Variants in CHRM3 observed in about 807,000 individuals in gnomAD.
CHRM3 encodes the protein cholinergic receptor muscarinic 3.
A neutral mutation model predicts 41.8 loss-of-function variants in CHRM3; 11 were observed. The observed-to-expected ratio is 0.26, with a 90% CI of 0.17 to 0.44. The LOEUF (loss-of-function observed/expected upper bound fraction) is 0.44. Ranked by LOEUF, CHRM3 falls within the 20% of genes least tolerant of loss-of-function variation. The pLI, the probability that CHRM3 is intolerant of heterozygous loss-of-function variation, is 1.00. For missense variants in CHRM3, 571 were observed against 745.4 expected, an observed-to-expected ratio of 0.77 and a Z score of 2.72; for synonymous variants, 297 against 301.4, an observed-to-expected ratio of 0.99 and a Z score of 0.15.
At chr1:239,618,685 A>G (rs376199499) in intron 3 of CHRM3, among the ~76,000 whole-genome samples, 11 of 150,986 alleles carry the variant, frequency 7.3e-5, no homozygotes, top group Admixed American at 6.6e-4. Context: ...TCTACTAAAA[A>G]TACAAAAAAT....
At chr1:239,723,736 G>A (rs1663185459) in intron 5 of CHRM3, among the ~76,000 whole-genome samples, 1 of 151,838 alleles carries the variant, frequency 6.6e-6, no homozygotes, top group South Asian at 2.1e-4. Context: ...ATTAGAGTAG[G>A]AGTTGCTGTG....
chr1:239,767,672 T>G lies in CHRM3; in HGVS notation c.-146-59580T>G, dbSNP rs1667332558. 2.0e-5 allele frequency among the ~76,000 whole-genome samples: 3 copies of G among 152,188 alleles called. No individual in the cohort carries two copies. The South Asian group carries it at 6.2e-4, about 32-fold the overall frequency. ...AATATAAATTGTAGTTTACTTAGTA[T>G]TTATTATGTGCCAGGTGATTTAGGT... is the stretch of plus-strand genomic sequence containing the variant. On this transcript the variant is annotated intron_variant, in intron 5 of 6. Transcript: ENST00000676153.
intron 5 of CHRM3, among the ~76,000 whole-genome samples, chr1:239,775,426 T>G (rs1022525092): frequency 6.6e-6 from 1 of 152,202 alleles, no homozygotes; most frequent in African/African-American, 2.4e-5. Flanking sequence ...AAAACAATTC[T>G]GCTGTGAAAA....
At chr1:239,642,031 G>T (rs1262518315) in intron 4 of CHRM3, among the ~76,000 whole-genome samples, 1 of 127,054 alleles carries the variant, frequency 7.9e-6, no homozygotes, top group African/African-American at 3.2e-5. Context: ...ATGAAGCTTA[G>T]TTTGGCTGGA....
At chr1:239,764,136 C>T (rs941580747) in intron 5 of CHRM3, among the ~76,000 whole-genome samples, 6 of 151,644 alleles carry the variant, frequency 4.0e-5, no homozygotes, top group Non-Finnish European at 8.8e-5. Context: ...ATATGATAAG[C>T]TGATGATACT....
At chr1:239,707,567 T>G (rs1299943096) in intron 5 of CHRM3, 1 of 152,196 alleles carries the variant, frequency 6.6e-6, no homozygotes, top group Non-Finnish European at 1.5e-5. Context: ...AAGGAACAAT[T>G]CTAAACTTCT....
At chr1:239,679,204 G>A (rs991729328) in intron 5 of CHRM3, among the ~76,000 whole-genome samples, 20 of 152,044 alleles carry the variant, frequency 1.3e-4, no homozygotes. Flanking sequence ...TAAAAATATA[G>A]CAGGCTTGTT....
intron 5 of CHRM3, among the ~76,000 whole-genome samples, chr1:239,804,585 G>A (rs528184925): frequency 1.3e-5 from 2 of 152,256 alleles, no homozygotes; most frequent in East Asian, 1.9e-4. Context: ...TGTTTTTGCA[G>A]TTGGGTTTCA....
intron 5 of CHRM3, among the ~76,000 whole-genome samples, chr1:239,724,624 A>C (rs1663270360): frequency 6.6e-6 from 1 of 151,938 alleles, no homozygotes; most frequent in African/African-American, 2.4e-5. Context: ...CTAATGTGAG[A>C]ATAAGATAAT....
chr1:239,909,139 G>A lies in CHRM3; in HGVS notation c.1688G>A (p.Cys563Tyr), dbSNP rs540424009. The stretch of plus-strand genomic sequence containing the variant: ...TTCAAGATGCTGCTGCTGTGCCAGT[G>A]TGACAAAAAAAAGAGGCGCAAGCAG... ...TTFKMLLLCQCDKKKRRKQQY... is the reference protein window; with the variant it reads ...TTFKMLLLCQYDKKKRRKQQY... The change falls in exon 7 of 7, where the codon TGT becomes TAT. Residue 563 changes from cysteine to tyrosine, a missense_variant. By Grantham distance (194) the Cys-to-Tyr change is radical. Coordinates refer to ENST00000676153, the MANE Select transcript of CHRM3 (RefSeq NM_001375978.1). 1 of 1,613,952 alleles carries A rather than the reference G, an allele frequency of 6.2e-7. No homozygotes were observed. Among genetic ancestry groups the A allele is most frequent in the South Asian group, 1.1e-5 (1 of 91,072 alleles).
At chr1:239,769,460 G>A (rs749544016) in intron 5 of CHRM3, among the ~76,000 whole-genome samples, 23 of 152,216 alleles carry the variant, frequency 1.5e-4, no homozygotes, top group Admixed American at 1.3e-3. Flanking sequence ...GTAATGAGAT[G>A]ACTGATCTAT....
At chr1:239,822,681 T>C (rs1347113788) in intron 5 of CHRM3, among the ~76,000 whole-genome samples, 2 of 152,210 alleles carry the variant, frequency 1.3e-5, no homozygotes, top group African/African-American at 4.8e-5. Context: ...ATTCCTTTTA[T>C]TTAATCCCAT....
At chr1:239,581,633 T>C (rs1372640987) in intron 3 of CHRM3, among the ~76,000 whole-genome samples, 2 of 152,176 alleles carry the variant, frequency 1.3e-5, no homozygotes, top group Non-Finnish European at 2.9e-5. Context: ...TTTAGAATGG[T>C]TTATTGGCAG....
chr1:239,464,565 T>C (rs1474785726), intron 1 of CHRM3, among the ~76,000 whole-genome samples: 1 of 152,158 alleles, frequency 6.6e-6, no homozygotes, highest in African/African-American at 2.4e-5. Context: ...AAGTTTGGTG[T>C]TTACTTCTAG....
chr1:239,812,590 G>A (rs1444943255), intron 5 of CHRM3, among the ~76,000 whole-genome samples: 3 of 152,200 alleles, frequency 2.0e-5, no homozygotes, highest in African/African-American at 4.8e-5. Context: ...ATAAAGGTCT[G>A]TGTAAGGCTG....
Position 239,578,933 on chromosome 1 carries a change from G to A in CHRM3, c.-313+33184G>A, listed in dbSNP as rs190448684. Among the ~76,000 whole-genome samples the A allele has an allele frequency of 5.5e-3, 840 of 152,246 alleles. 5 individuals are homozygous for A. The highest frequency in any genetic ancestry group is 0.016 in the African/African-American group (660 of 41,556). Reference sequence around the variant, plus strand: ...CATTGCCCAAGTTCAGAAACTTGTAGCAACCCAAGACTTCCTCATTCACTT... The same window carrying A: ...CATTGCCCAAGTTCAGAAACTTGTAACAACCCAAGACTTCCTCATTCACTT... On this transcript the variant is annotated intron_variant, in intron 3 of 6. Coordinates refer to ENST00000676153, the MANE Select transcript of CHRM3 (RefSeq NM_001375978.1).
intron 2 of CHRM3, among the ~76,000 whole-genome samples, chr1:239,526,104 G>A (rs1003075620): frequency 1.3e-5 from 2 of 152,104 alleles, no homozygotes; most frequent in African/African-American, 2.4e-5. Context: ...TGGGGCAATC[G>A]GAATTAAGCT....
At chr1:239,474,684 A>T (rs966349673) in intron 1 of CHRM3, among the ~76,000 whole-genome samples, 13 of 152,110 alleles carry the variant, frequency 8.5e-5, no homozygotes, top group Admixed American at 2.0e-4. Flanking sequence ...AAATAACTTG[A>T]TTCAAACTAA....
chr1:239,840,748 A>G (rs1273841678), intron 6 of CHRM3, among the ~76,000 whole-genome samples: 1 of 152,212 alleles, frequency 6.6e-6, no homozygotes, highest in Non-Finnish European at 1.5e-5. Context: ...TATTCTTTCA[A>G]TAACTTGAAT....
Sources: allele counts gnomAD v4.1 joint callset (sites outside exome capture counted in the v4.1 genomes callset), GRCh38; gene constraint gnomAD v4.1.1; transcripts MANE v1.5; gene names NCBI Gene and HGNC (gene_info 2026-07-23, HGNC 2026-07-21).